Variants in PAM16 observed in about 807,000 individuals in gnomAD.
The protein encoded by PAM16 is mitochondrial import inner membrane translocase subunit TIM16.
In PAM16, 11 loss-of-function variants were observed where a neutral mutation model predicts 17.9. The observed-to-expected ratio is 0.62, with a 90% CI of 0.39 to 1.02. The LOEUF is 1.02. Ranked by LOEUF, PAM16 falls within the 50% of genes least tolerant of loss-of-function variation. The probability of loss-of-function intolerance (pLI) is 0.01; values close to 1 mark genes in which losing one functional copy is unlikely to be tolerated. For synonymous variants in PAM16, 72 were observed against 67.4 expected (o/e 1.07, Z -0.34); for missense variants, 199 against 165.4 (o/e 1.20, Z -1.11).
chr16:4,341,387 C>A lies in PAM16; in HGVS notation c.206G>T (p.Ser69Ile). ...CCTCACCTTCTGGACCTCCTCAGGG[C>A]TCAGCTTGGACACGTTGAGAATCTG... ...AQQILNVSKLSPEEVQKNYEH... is the reference protein window; with the variant it reads ...AQQILNVSKLIPEEVQKNYEH... Residue 69 changes from serine (S) to isoleucine (I), a missense_variant, in exon 3 of 5, where the codon AGC becomes ATC. Physicochemically the swap from Ser to Ile is moderately radical, Grantham distance 142. Coordinates refer to ENST00000318059, the MANE Select transcript of PAM16 (RefSeq NM_016069.11). 2 of 1,586,482 alleles carry A rather than the reference C, an allele frequency of 1.3e-6. No homozygotes were observed. The highest frequency in any genetic ancestry group is 1.7e-6 in the Non-Finnish European group (2 of 1,166,666).
chr16:4,351,304 G>C lies in PAM16; in HGVS notation c.-70C>G, dbSNP rs754615588. On this transcript the variant is annotated 5_prime_UTR_variant, in exon 1 of 5. Transcript: ENST00000318059. ...CCGCGGCCGGGGATCAAGCGTGGTC[G>C]GCGGGTCAGAGGTCAAGGAAAGCCG... 1.5e-6 allele frequency: 2 copies of C among 1,301,220 alleles called. No homozygotes were observed. Among genetic ancestry groups the C allele is most frequent in the African/African-American group, 1.5e-5 (1 of 66,124 alleles). The allele number at this position is 1,301,220 out of a possible 1,614,324, so 80.6% of individuals were successfully genotyped here. A position where few individuals can be genotyped will look rare whatever the true frequency, so the allele number is the denominator to read the frequency against.
chr16:4,351,118 G>C (rs907171634), intron 1 of PAM16, 114 bp downstream of exon 1: 1 of 496,728 alleles, frequency 2.0e-6, no homozygotes, highest in Non-Finnish European at 3.1e-6. Flanking sequence ...GCTTCCCGCC[G>C]GGCACGCAGG....
chr16:4,340,560 T>C (rs904716547), intron 4 of PAM16, among the ~76,000 whole-genome samples, 155 bp from the exon 5 acceptor site: 1 of 152,046 alleles, frequency 6.6e-6, no homozygotes, highest in Non-Finnish European at 1.5e-5. Flanking sequence ...AGGGTCGGGG[T>C]GGCCTGGGGA....
intron 1 of PAM16, among the ~76,000 whole-genome samples, chr16:4,349,277 A>G (rs561178409): frequency 1.3e-5 from 2 of 151,972 alleles, no homozygotes; most frequent in South Asian, 2.1e-4. Flanking sequence ...TCCTGTTAAT[A>G]TACTGTCATG....
At chr16:4,343,968 C>T in intron 1 of PAM16, 1 of 398,284 alleles carries the variant, frequency 2.5e-6, no homozygotes, top group Admixed American at 4.4e-5. Flanking sequence ...CTACTCTGCT[C>T]AGCACTTGAG....
chr16:4,341,030 A>G (rs755738556), intron 3 of PAM16, 45 bp from the exon 4 acceptor site: 2 of 1,607,948 alleles, frequency 1.2e-6, no homozygotes, highest in Non-Finnish European at 1.7e-6. Flanking sequence ...GACTGCAGGC[A>G]AGAGATGTTG....
At chr16:4,351,179 C>G in intron 1 of PAM16, 53 bp downstream of exon 1, 2 of 1,167,182 alleles carry the variant, frequency 1.7e-6, no homozygotes, top group Non-Finnish European at 2.2e-6. Context: ...CGGCCCCCGG[C>G]CCCCGGCCCG....
At chr16:4,345,392 A>G (rs1273860541) in intron 1 of PAM16, 1 of 152,058 alleles carries the variant, frequency 6.6e-6, no homozygotes, top group Non-Finnish European at 1.5e-5. Flanking sequence ...TCGGAAACCC[A>G]AGGCTGGTGC....
At chr16:4,340,441 G>GC in intron 4 of PAM16, 36 bp from the exon 5 acceptor site, 2 of 1,601,698 alleles carry the variant, frequency 1.2e-6, no homozygotes. Context: ...GGGAGGCCAA[G>GC]CCTCCGCCCC....
chr16:4,343,546 C>T (rs2053685371), intron 1 of PAM16: 1 of 1,415,050 alleles, frequency 7.1e-7, no homozygotes. Flanking sequence ...CCCACCTCAT[C>T]CTTCAGGAAA....
chr16:4,348,645 C>T (rs1020660482), intron 1 of PAM16: 6 of 152,368 alleles, frequency 3.9e-5, no homozygotes, highest in African/African-American at 1.4e-4. Context: ...CCCATGTATA[C>T]CTTCCGACAG....
intron 3 of PAM16, 118 bp downstream of exon 3, chr16:4,341,250 G>A (rs2053641545): frequency 1.1e-5 from 16 of 1,460,334 alleles, no homozygotes; most frequent in Middle Eastern, 2.1e-4. Flanking sequence ...GAAAGTTGGA[G>A]TCCGAGCTGG....
intron 3 of PAM16, 49 bp from the exon 4 acceptor site, chr16:4,341,034 G>C: frequency 6.2e-7 from 1 of 1,609,790 alleles, no homozygotes; most frequent in Non-Finnish European, 8.5e-7. Flanking sequence ...GCAGGCAAGA[G>C]ATGTTGGGCA....
Position 4,340,979 on chromosome 16 carries a change from C to T in PAM16, c.232G>A (p.Glu78Lys). 6.2e-7 allele frequency: 1 copy of T among 1,613,588 alleles called. No individual in the cohort carries two copies. Among genetic ancestry groups the T allele is most frequent in the South Asian group, 1.1e-5 (1 of 91,090 alleles). The change falls in exon 4 of 5, where the codon GAA becomes AAA. Residue 78 changes from glutamate to lysine, a missense_variant. By Grantham distance (56) the Glu-to-Lys change is moderately conservative. Coordinates refer to ENST00000318059, the MANE Select transcript of PAM16 (RefSeq NM_016069.11). ...TTATCATTCACCTTAAATAAGTGTT[C>T]ATAGTTCTGCAGAGGAGAGGGGACG... ...LSPEEVQKNY[E>K]HLFKVNDKSV...
chr16:4,340,747 G>C lies in PAM16; in HGVS notation c.291+173C>G, dbSNP rs146525937. Among the ~76,000 whole-genome samples, 493 of 152,316 alleles carry C rather than the reference G, an allele frequency of 3.2e-3. 3 individuals carry two copies. The highest frequency in any genetic ancestry group is 5.5e-3 in the Non-Finnish European group (377 of 68,006). On this transcript the variant is annotated intron_variant, in intron 4 of 4. Transcript: ENST00000318059. ...GGACCCCGCAAAGCTGAAGCAGTCA[G>C]AGGGGTGGCAGTTCAGGGGGCCTCC...
intron 1 of PAM16, 151 bp from the exon 2 acceptor site, chr16:4,343,442 C>A: frequency 6.9e-7 from 1 of 1,439,388 alleles, no homozygotes. Flanking sequence ...TCCAAAGCAC[C>A]CTGAATGAAA....
At chr16:4,346,287 G>A (rs937803571) in intron 1 of PAM16, among the ~76,000 whole-genome samples, 2 of 152,208 alleles carry the variant, frequency 1.3e-5, no homozygotes, top group East Asian at 3.8e-4. Flanking sequence ...CCAGCTATCT[G>A]ACATAGACAC....
chr16:4,344,094 C>T (rs1468958324), intron 1 of PAM16: 3 of 397,368 alleles, frequency 7.5e-6, no homozygotes, highest in African/African-American at 4.2e-5. Context: ...ACGTGTGATT[C>T]CATGCCCCGC....
chr16:4,350,133 T>C (rs1477816099), intron 1 of PAM16, among the ~76,000 whole-genome samples: 1 of 151,832 alleles, frequency 6.6e-6, no homozygotes, highest in East Asian at 1.9e-4. Flanking sequence ...CTTTTTCTTT[T>C]TGAGAGAGTT....
Sources: allele counts gnomAD v4.1 joint callset (sites outside exome capture counted in the v4.1 genomes callset), GRCh38; gene constraint gnomAD v4.1.1; transcripts MANE v1.5; gene names NCBI Gene and HGNC (gene_info 2026-07-23, HGNC 2026-07-21).